The following COG6 variants were observed in gnomAD, a reference collection of about 807,000 sequenced individuals.
COG6 encodes the protein conserved oligomeric Golgi complex subunit 6.
In COG6, 74 loss-of-function variants were observed where a neutral mutation model predicts 88.8. The observed-to-expected ratio is 0.83, with a 90% CI of 0.69 to 1.01. The LOEUF is 1.01. COG6 is among the 50% of genes least tolerant of loss of function. The pLI is 0.00. For missense variants in COG6, 800 were observed against 797.9 expected (o/e 1.00, Z -0.03); for synonymous variants, 286 against 278.7 (o/e 1.03, Z -0.26).
chr13:39,679,661 G>T, intron 6 of COG6, 41 bp downstream of exon 6: 1 of 1,214,088 alleles, frequency 8.2e-7, no homozygotes, highest in Non-Finnish European at 1.2e-6. Flanking sequence ...TGCTGCTTAT[G>T]TTTCCAAAAT....
chr13:39,664,187 C>T (rs1042550774), intron 3 of COG6: 2 of 154,462 alleles, frequency 1.3e-5, no homozygotes, highest in African/African-American at 4.8e-5. Flanking sequence ...TGTGGTATTC[C>T]AACATGAAAA....
intron 18 of COG6, among the ~76,000 whole-genome samples, chr13:39,747,568 G>A (rs1161871843): frequency 6.6e-6 from 1 of 151,896 alleles, no homozygotes; most frequent in Non-Finnish European, 1.5e-5. Flanking sequence ...TTTAAGCTGA[G>A]GCGGAGATTG....
At chr13:39,696,218 A>G (rs538387135) in intron 12 of COG6, among the ~76,000 whole-genome samples, 7 of 152,040 alleles carry the variant, frequency 4.6e-5, no homozygotes, top group Admixed American at 1.3e-4. Context: ...CATTTAGTCA[A>G]TTAAACAGTT....
intron 13 of COG6, among the ~76,000 whole-genome samples, chr13:39,716,950 C>T (rs892009315): frequency 6.6e-6 from 1 of 152,130 alleles, no homozygotes; most frequent in Non-Finnish European, 1.5e-5. Context: ...GACCAGTGCT[C>T]TATTTCTTTA....
At chr13:39,738,970 A>G (rs1046653162) in intron 18 of COG6, among the ~76,000 whole-genome samples, 1 of 152,042 alleles carries the variant, frequency 6.6e-6, no homozygotes, top group Non-Finnish European at 1.5e-5. Flanking sequence ...TAATTGATAC[A>G]AAAAAATAGG....
chr13:39,655,726 T>A lies in COG6; in HGVS notation c.-1T>A. Reference sequence around the variant, plus strand: ...CAGCAGGGGGCGGGACGCGCAGCGCTATGGCAGAGGGCAGCGGGGAAGTGG... The same window carrying A: ...CAGCAGGGGGCGGGACGCGCAGCGCAATGGCAGAGGGCAGCGGGGAAGTGG... On this transcript the variant is annotated 5_prime_UTR_variant, in exon 1 of 19. Coordinates refer to ENST00000455146, the MANE Select transcript of COG6 (RefSeq NM_020751.3). 6.3e-7 allele frequency: 1 copy of A among 1,592,502 alleles called. No individual in the cohort carries two copies. The highest frequency in any genetic ancestry group is 8.6e-7 in the Non-Finnish European group (1 of 1,169,074).
intron 4 of COG6, among the ~76,000 whole-genome samples, chr13:39,668,924 C>A (rs1412676381): frequency 6.6e-6 from 1 of 152,108 alleles, no homozygotes; most frequent in Admixed American, 6.6e-5. Context: ...TACTATCTAC[C>A]TGTCTTATTC....
intron 14 of COG6, 62 bp downstream of exon 14, chr13:39,719,429 A>G (rs887440079): frequency 2.6e-6 from 4 of 1,518,094 alleles, no homozygotes; most frequent in East Asian, 2.3e-5. Flanking sequence ...CTGTGTTTCA[A>G]TTCTGGAATT....
At chr13:39,670,654 C>T (rs573687675) in intron 4 of COG6, among the ~76,000 whole-genome samples, 3 of 152,006 alleles carry the variant, frequency 2.0e-5, no homozygotes, top group South Asian at 2.1e-4. Context: ...GTTGCCCCTC[C>T]CTAGTCCTCC....
rs550541029 is a variant in COG6 at position 39,736,859 on chromosome 13, T to C, written c.1826+9311T>C. On this transcript the variant is annotated intron_variant, in intron 18 of 18. Coordinates refer to ENST00000455146, the MANE Select transcript of COG6 (RefSeq NM_020751.3). The stretch of plus-strand genomic sequence containing the variant: ...TTAATTTGTTTGGGGAAGTCATGTT[T>C]TCCTGGATGGTCTTGATGCTTGTAG... Among the ~76,000 whole-genome samples, 470 of 152,310 alleles carry C rather than the reference T, an allele frequency of 3.1e-3. 4 individuals are homozygous for C. The highest frequency in any genetic ancestry group is 5.7e-3 in the Non-Finnish European group (386 of 68,024).
At chr13:39,769,148 G>A (rs1282607016) in intron 18 of COG6, among the ~76,000 whole-genome samples, 2 of 152,072 alleles carry the variant, frequency 1.3e-5, no homozygotes, top group Non-Finnish European at 1.5e-5. Context: ...CTTTTCTAAA[G>A]TCTTTTGTTT....
intron 7 of COG6, among the ~76,000 whole-genome samples, chr13:39,680,654 A>G (rs1423244390): frequency 2.0e-5 from 3 of 152,318 alleles, no homozygotes; most frequent in South Asian, 2.1e-4. Flanking sequence ...TTGTGTTTGC[A>G]GCACTGAGGT....
chr13:39,730,209 TATA>T (rs1435513466), intron 18 of COG6, among the ~76,000 whole-genome samples: 3 of 152,176 alleles, frequency 2.0e-5, no homozygotes, highest in African/African-American at 4.8e-5. Context: ...TCTTACTATT[TATA>T]ATGACATTTA....
chr13:39,702,061 A>ATG (rs1212221568), intron 13 of COG6, among the ~76,000 whole-genome samples: 1 of 152,036 alleles, frequency 6.6e-6, no homozygotes, highest in Admixed American at 6.6e-5. Context: ...AGAGAGTACC[A>ATG]TGTGCAGTTT....
In COG6 at chr13:39,665,972, G is replaced by A. The variant is rs551264302; in HGVS notation, c.428+818G>A. Among the ~76,000 whole-genome samples, 5 of 152,300 alleles carry A rather than the reference G, an allele frequency of 3.3e-5. No homozygotes were observed. In the East Asian group the frequency reaches 5.8e-4, roughly 18 times the overall value. On this transcript the variant is annotated intron_variant, in intron 4 of 18. Transcript: ENST00000455146. ...TGCAGCTTTATTGGAACACAGCTAT[G>A]GTTGTGTTTACATACTGTCTATGGC...
chr13:39,693,047 T>G (rs1206463333), intron 11 of COG6, among the ~76,000 whole-genome samples: 1 of 151,982 alleles, frequency 6.6e-6, no homozygotes, highest in Non-Finnish European at 1.5e-5. Flanking sequence ...CTGTGACTGT[T>G]GGGTTTTGCT....
At position 39,751,529 on chromosome 13, in the gene COG6, A is replaced by T; in HGVS notation, c.*436A>T. 1.6e-6 allele frequency: 2 copies of T among 1,286,028 alleles called. No individual in the cohort carries two copies. Among genetic ancestry groups the T allele is most frequent in the South Asian group, 2.5e-5 (2 of 80,894 alleles). 79.7% of individuals were successfully genotyped at this position (1,286,028 alleles called of 1,614,324 possible). A position where few individuals can be genotyped will look rare whatever the true frequency, so the allele number is the denominator to read the frequency against. ...GATTCATTTGCTTTCTTTTAATATG[A>T]GTAGGCATACTTAGTAGCTTTTCTG... On this transcript the variant is annotated 3_prime_UTR_variant, in exon 19 of 19. Transcript: ENST00000455146.
At chr13:39,667,163 A>G (rs1165170557) in intron 4 of COG6, among the ~76,000 whole-genome samples, 1 of 152,180 alleles carries the variant, frequency 6.6e-6, no homozygotes, top group Admixed American at 6.5e-5. Flanking sequence ...ATATTGCACA[A>G]TTTTAAGACT....
At chr13:39,660,327 C>G (rs1380912691) in intron 2 of COG6, among the ~76,000 whole-genome samples, 2 of 152,154 alleles carry the variant, frequency 1.3e-5, no homozygotes, top group Admixed American at 6.5e-5. Flanking sequence ...TCCCAAGTAA[C>G]TGGGACTACA....
Sources: gnomAD v4.1 joint callset for allele counts (sites outside exome capture counted in the v4.1 genomes callset) on GRCh38, gnomAD v4.1.1 for gene constraint, MANE v1.5 for transcripts, NCBI Gene and HGNC (gene_info 2026-07-23, HGNC 2026-07-21) for gene names.